The following CDH26 variants were observed in gnomAD, a reference collection of about 807,000 sequenced individuals.
CDH26 encodes the protein cadherin-like protein 26.
CDH26 carries 83 observed loss-of-function variants against 90.3 expected under a neutral mutation model. That is an observed-to-expected ratio of 0.92 (90% confidence interval 0.77 to 1.10). CDH26 has a LOEUF of 1.10. Ranked by LOEUF, CDH26 falls within the 50% of genes least tolerant of loss-of-function variation. The pLI is 0.00. For missense variants in CDH26, 1,013 were observed against 1,037.6 expected (o/e 0.98, Z 0.33); for synonymous variants, 397 against 396.3 (o/e 1.00, Z -0.02).
Position 60,001,328 on chromosome 20 carries a change from G to C in CDH26, c.2098-15G>C. ...AATCCATTCTCTTTTGAGTAAATCAGCATTTTCCCTCTAGGATCTCGAGGA... is the reference window on the plus strand; with the variant it reads ...AATCCATTCTCTTTTGAGTAAATCACCATTTTCCCTCTAGGATCTCGAGGA... On this transcript the variant is annotated splice_polypyrimidine_tract_variant and intron_variant, in intron 14 of 17. Coordinates refer to ENST00000348616, the MANE Select transcript of CDH26 (RefSeq NM_177980.4). 6.2e-7 allele frequency: 1 copy of C among 1,613,722 alleles called. No homozygotes were observed.
intron 7 of CDH26, among the ~76,000 whole-genome samples, chr20:59,986,995 C>T (rs2061467199): frequency 6.6e-6 from 1 of 152,060 alleles, no homozygotes; most frequent in African/African-American, 2.4e-5. Context: ...AGAAACATTG[C>T]CTCCAAAAGT....
chr20:59,965,771 A>C lies in CDH26; in HGVS notation c.70-3196A>C, dbSNP rs953709667. Among the ~76,000 whole-genome samples, 6 of 152,298 alleles carry C rather than the reference A, an allele frequency of 3.9e-5. No homozygotes were observed. In the South Asian group the frequency reaches 1.2e-3, roughly 32 times the overall value. The stretch of plus-strand genomic sequence containing the variant: ...AATACACTGTAATGTCTTAACAGTT[A>C]TTTACTGGGTGGAATCTGAAACCAT... On this transcript the variant is annotated intron_variant, in intron 1 of 17. Transcript: ENST00000348616.
downstream of CDH26, among the ~76,000 whole-genome samples, chr20:60,035,010 A>C (rs1041688892): frequency 1.3e-5 from 2 of 152,258 alleles, no homozygotes; most frequent in Non-Finnish European, 2.9e-5. Flanking sequence ...TATCTTCTAA[A>C]TAGAAATGCA....
intron 7 of CDH26, among the ~76,000 whole-genome samples, chr20:60,027,213 G>A (rs1383307092): frequency 1.3e-5 from 2 of 152,140 alleles, no homozygotes; most frequent in Non-Finnish European, 2.9e-5. Flanking sequence ...CAAGGTCACT[G>A]CTTGTATATG....
At position 59,987,644 on chromosome 20, in the gene CDH26, A is replaced by G; in HGVS notation, c.1023+6A>G. ...GGATATTAAATGTTATCAAGGTAAC[A>G]CCATACCGGTGACATACCAACCAGT... On this transcript the variant is annotated splice_donor_region_variant and intron_variant, in intron 8 of 17. Coordinates refer to ENST00000348616, the MANE Select transcript of CDH26 (RefSeq NM_177980.4). 6.2e-7 allele frequency: 1 copy of G among 1,601,540 alleles called. No individual in the cohort carries two copies. Among genetic ancestry groups the G allele is most frequent in the South Asian group, 1.1e-5 (1 of 88,812 alleles).
At position 59,958,435 on chromosome 20, in the gene CDH26, G is replaced by C. The variant is rs150776016; in HGVS notation, c.-292G>C. ...GAGGTCAGACCCCAGCCAGTCTTTT[G>C]TGTACGTGCAGGACCATGGTGGCTT... On this transcript the variant is annotated 5_prime_UTR_variant, in exon 1 of 18. Coordinates refer to ENST00000348616, the MANE Select transcript of CDH26 (RefSeq NM_177980.4). 690 of 313,268 alleles carry C rather than the reference G, an allele frequency of 2.2e-3. 7 individuals carry two copies. Among genetic ancestry groups the C allele is most frequent in the African/African-American group, 0.013 (610 of 46,292 alleles). The allele number at this position is 313,268 out of a possible 1,614,324, so 19.4% of individuals were successfully genotyped here.
exon 9 of CDH26, chr20:60,033,608 G>T: frequency 8.4e-6 from 11 of 1,304,854 alleles, no homozygotes; most frequent in Non-Finnish European, 1.1e-5. Context: ...TAACAAAAAG[G>T]CATGTTTCCC....
Position 60,010,549 on chromosome 20 carries a change from T to A in CDH26, c.2296-1978T>A, listed in dbSNP as rs1228917162. The stretch of plus-strand genomic sequence containing the variant: ...TATTGAATCACTCAGGCCAGAAAAG[T>A]CTTCACAGAGAGATGACTTGGGTCC... On this transcript the variant is annotated intron_variant, in intron 17 of 17. Coordinates refer to ENST00000348616, the MANE Select transcript of CDH26 (RefSeq NM_177980.4). Among the ~76,000 whole-genome samples the A allele has an allele frequency of 2.0e-5, 3 of 152,094 alleles. No homozygotes were observed. In the South Asian group the frequency reaches 6.2e-4, roughly 32 times the overall value.
intron 7 of CDH26, among the ~76,000 whole-genome samples, chr20:59,986,616 TACACAC>T (rs3043440): frequency 0.045 from 6,121 of 136,804 alleles, 267 homozygotes; most frequent in African/African-American, 0.12. Context: ...TAAATCCCCC[TACACAC>T]ACACACACAC....
intron 1 of CDH26, among the ~76,000 whole-genome samples, chr20:59,963,627 GC>G (rs755648386): frequency 1.5e-3 from 230 of 152,150 alleles, no homozygotes; most frequent in Non-Finnish European, 2.3e-3. Context: ...CATTTTAGGG[GC>G]CCAATTAGCC....
At chr20:59,963,054 G>T (rs941623992) in intron 1 of CDH26, among the ~76,000 whole-genome samples, 1 of 152,148 alleles carries the variant, frequency 6.6e-6, no homozygotes, top group African/African-American at 2.4e-5. Context: ...TGAGCACTTT[G>T]TGTGTGAGTG....
chr20:59,994,814 G>A (rs2145996528), intron 11 of CDH26, among the ~76,000 whole-genome samples: 1 of 152,302 alleles, frequency 6.6e-6, no homozygotes, highest in Admixed American at 6.5e-5. Context: ...GCCTGGGTCA[G>A]CTGCCCTGTC....
At chr20:59,995,459 C>G (rs2061580798) in intron 11 of CDH26, among the ~76,000 whole-genome samples, 1 of 152,194 alleles carries the variant, frequency 6.6e-6, no homozygotes, top group Admixed American at 6.5e-5. Flanking sequence ...CGATGCTGAC[C>G]TGGCTTCTCG....
chr20:59,996,018 C>G lies in CDH26; in HGVS notation c.1852C>G (p.Leu618Val), dbSNP rs1259767978. The change falls in exon 12 of 18, where the codon CTG becomes GTG. Residue 618 changes from leucine (L) to valine (V), a missense_variant. Coordinates refer to ENST00000348616, the MANE Select transcript of CDH26 (RefSeq NM_177980.4). ...DAEVGLHVGA[L>V]FPVCAAFVAL... ...AGAAGTGGGGCTTCATGTGGGGGCC[C>G]TGTTCCCTGTCTGTGCAGCATTTGT... 6.2e-7 allele frequency: 1 copy of G among 1,613,898 alleles called. No individual in the cohort carries two copies. The highest frequency in any genetic ancestry group is 1.3e-5 in the African/African-American group (1 of 75,054).
chr20:59,966,072 G>A (rs1250963444), intron 1 of CDH26, among the ~76,000 whole-genome samples: 4 of 152,082 alleles, frequency 2.6e-5, no homozygotes, highest in Non-Finnish European at 5.9e-5. Context: ...ATTTTTGCTT[G>A]AAAGATTACA....
intron 14 of CDH26, 53 bp downstream of exon 14, chr20:59,999,716 G>T (rs2061650489): frequency 1.9e-6 from 3 of 1,558,634 alleles, no homozygotes; most frequent in Non-Finnish European, 2.7e-6. Flanking sequence ...TTTCCTGGTG[G>T]TTTCCCTGAC....
rs896417946 is a variant in CDH26, at chr20:59,996,384, C to T, written c.1889-247C>T. On this transcript the variant is annotated intron_variant, in intron 12 of 17. Transcript: ENST00000348616. ...GGACTTGGCAAGGCTAATAAGAAAGCAGCTTTTCCAAGAAACAATACAATA... is the reference window on the plus strand; with the variant it reads ...GGACTTGGCAAGGCTAATAAGAAAGTAGCTTTTCCAAGAAACAATACAATA... 6.8e-6 allele frequency: 10 copies of T among 1,473,422 alleles called. No individual in the cohort carries two copies. In the Admixed American group the frequency reaches 1.4e-4, roughly 21 times the overall value. The allele number at this position is 1,473,422 out of a possible 1,614,324, so 91.3% of individuals were successfully genotyped here. A position where few individuals can be genotyped will look rare whatever the true frequency, so the allele number is the denominator to read the frequency against.
chr20:59,987,695 T>G (rs1051929674), intron 8 of CDH26, 57 bp downstream of exon 8: 2 of 1,451,236 alleles, frequency 1.4e-6, no homozygotes. Flanking sequence ...AGGCCTCTTC[T>G]GTAGGATCAC....
chr20:59,982,520 A>C (rs1416159801), intron 4 of CDH26, among the ~76,000 whole-genome samples: 2 of 152,242 alleles, frequency 1.3e-5, no homozygotes, highest in East Asian at 3.8e-4. Flanking sequence ...CACTTTCCCA[A>C]AAATCTTTAA....
Sources: allele counts gnomAD v4.1 joint callset (sites outside exome capture counted in the v4.1 genomes callset), GRCh38; gene constraint gnomAD v4.1.1; transcripts MANE v1.5; gene names NCBI Gene and HGNC (gene_info 2026-07-23, HGNC 2026-07-21).